ELP4: variants seen among roughly 807,000 people sequenced by gnomAD.
ELP4 encodes the protein elongator acetyltransferase complex subunit 4.
ELP4 carries 51 observed loss-of-function variants against 48.9 expected under a neutral mutation model. The ratio of observed to expected loss-of-function variants is 1.04; its 90% CI spans 0.83 to 1.32. The LOEUF (loss-of-function observed/expected upper bound fraction) is 1.32, where lower values mean the gene tolerates loss of function less well. Ranked by LOEUF, ELP4 falls within the 40% of genes most tolerant of loss-of-function variation. The probability of loss-of-function intolerance (pLI) is 0.00; values close to 1 mark genes in which losing one functional copy is unlikely to be tolerated. For synonymous variants in ELP4, 210 were observed against 189.2 expected, an observed-to-expected ratio of 1.11 and a Z score of -0.90; for missense variants, 519 against 514.6, an observed-to-expected ratio of 1.01 and a Z score of -0.08.
chr11:31,590,859 C>A (rs1339069034), intron 3 of ELP4, among the ~76,000 whole-genome samples: 4 of 152,060 alleles, frequency 2.6e-5, no homozygotes, highest in African/African-American at 9.7e-5. Context: ...GAGCAATCCG[C>A]CCCCATAATC....
At chr11:31,636,142 G>A (rs1055817268) in intron 7 of ELP4, among the ~76,000 whole-genome samples, 9 of 151,930 alleles carry the variant, frequency 5.9e-5, no homozygotes, top group African/African-American at 2.2e-4. Context: ...TAGGGATACA[G>A]TAGCAAACAA....
intron 9 of ELP4, among the ~76,000 whole-genome samples, chr11:31,735,881 G>A (rs932720644): frequency 5.3e-5 from 8 of 152,100 alleles, no homozygotes; most frequent in African/African-American, 1.7e-4. Context: ...AATCAATATC[G>A]TGAAAATGGC....
At chr11:31,530,323 T>C (rs1956372247) in intron 2 of ELP4, among the ~76,000 whole-genome samples, 1 of 152,104 alleles carries the variant, frequency 6.6e-6, no homozygotes, top group Admixed American at 6.6e-5. Context: ...TAGCAAAAAG[T>C]ACATAAAATC....
intron 9 of ELP4, among the ~76,000 whole-genome samples, chr11:31,772,176 G>C (rs1948160054): frequency 7.0e-6 from 1 of 143,100 alleles, no homozygotes; most frequent in Non-Finnish European, 1.5e-5. Context: ...CTGGTGTACA[G>C]TGGCGGAATC....
At chr11:31,771,715 C>G (rs1466279262) in intron 9 of ELP4, among the ~76,000 whole-genome samples, 2 of 152,186 alleles carry the variant, frequency 1.3e-5, no homozygotes, top group Admixed American at 6.5e-5. Flanking sequence ...CTCAGTGGCT[C>G]ACGCCTGTAA....
At chr11:31,734,353 C>A (rs1947257818) in intron 9 of ELP4, among the ~76,000 whole-genome samples, 1 of 152,102 alleles carries the variant, frequency 6.6e-6, no homozygotes, top group Admixed American at 6.6e-5. Flanking sequence ...GTACTGGAAG[C>A]CCTAGCCAGA....
chr11:31,773,785 A>T (rs1048419544), intron 9 of ELP4, among the ~76,000 whole-genome samples: 2 of 152,220 alleles, frequency 1.3e-5, no homozygotes. Context: ...GCACACCTTC[A>T]TAGCCCCTGA....
chr11:31,735,371 A>T (rs1057210149), intron 9 of ELP4, among the ~76,000 whole-genome samples: 4 of 152,138 alleles, frequency 2.6e-5, no homozygotes, highest in Non-Finnish European at 5.9e-5. Flanking sequence ...AACAAGTAGT[A>T]CTTTAAAAAA....
intron 9 of ELP4, among the ~76,000 whole-genome samples, chr11:31,737,569 A>G (rs1947347491): frequency 6.6e-6 from 1 of 152,198 alleles, no homozygotes; most frequent in African/African-American, 2.4e-5. Flanking sequence ...GCAAATCTGT[A>G]AACCATATAT....
chr11:31,576,716 A>G (rs1957286500), intron 3 of ELP4, among the ~76,000 whole-genome samples: 1 of 152,244 alleles, frequency 6.6e-6, no homozygotes, highest in Admixed American at 6.5e-5. Context: ...AAATGAAGGC[A>G]GAAATAAGGA....
chr11:31,531,552 G>C (rs1412047273), intron 2 of ELP4, among the ~76,000 whole-genome samples: 1 of 152,192 alleles, frequency 6.6e-6, no homozygotes, highest in Non-Finnish European at 1.5e-5. Flanking sequence ...AGCCAGAGTT[G>C]TGAAGGAATT....
Position 31,786,734 on chromosome 11 carries a change from C to T in ELP4, c.*3210C>T, listed in dbSNP as rs1948662479. On this transcript the variant is annotated 3_prime_UTR_variant, in exon 10 of 10. Coordinates refer to ENST00000640961, the MANE Select transcript of ELP4 (RefSeq NM_019040.5). ...GCTGTAGCAAGAAACCAGTTGTTCA[C>T]CATTTAAGGGTTAGGAGGCATAGCT... 4.5e-6 allele frequency: 1 copy of T among 223,554 alleles called. No homozygotes were observed. The allele number at this position is 223,554 out of a possible 1,614,324, so 13.8% of individuals were successfully genotyped here.
rs189275679 is a variant in ELP4 at position 31,789,151 on chromosome 11, C to T, written c.*5627C>T. On this transcript the variant is annotated 3_prime_UTR_variant, in exon 10 of 10. Coordinates refer to ENST00000640961, the MANE Select transcript of ELP4 (RefSeq NM_019040.5). ...TAACTTTTGCTGGCCAAAAAAGAAACGTATGATTGCATGAAAATGTGTATA... is the reference window on the plus strand; with the variant it reads ...TAACTTTTGCTGGCCAAAAAAGAAATGTATGATTGCATGAAAATGTGTATA... 6.4e-5 allele frequency: 13 copies of T among 203,202 alleles called. No individual in the cohort carries two copies. The highest frequency in any genetic ancestry group is 1.6e-4 in the African/African-American group (7 of 43,848). 12.6% of individuals were successfully genotyped at this position (203,202 alleles called of 1,614,324 possible).
At chr11:31,686,139 A>T (rs1021138253) in intron 9 of ELP4, among the ~76,000 whole-genome samples, 1 of 152,014 alleles carries the variant, frequency 6.6e-6, no homozygotes, top group Non-Finnish European at 1.5e-5. Context: ...TGTGAAAAAT[A>T]TATACATTTT....
chr11:31,752,273 G>A (rs1380944677), intron 9 of ELP4, among the ~76,000 whole-genome samples: 1 of 136,986 alleles, frequency 7.3e-6, no homozygotes, highest in Non-Finnish European at 1.6e-5. Flanking sequence ...CTTGTTCTTA[G>A]TAATTTTAAA....
intron 3 of ELP4, among the ~76,000 whole-genome samples, chr11:31,579,465 G>C (rs977335064): frequency 1.3e-5 from 2 of 152,086 alleles, no homozygotes; most frequent in African/African-American, 4.8e-5. Flanking sequence ...AAATCATGCT[G>C]CTATAAAGAC....
At chr11:31,613,572 G>T (rs1228826725) in intron 5 of ELP4, among the ~76,000 whole-genome samples, 1 of 152,000 alleles carries the variant, frequency 6.6e-6, no homozygotes, top group African/African-American at 2.4e-5. Context: ...GTAAGAAACA[G>T]GACTGGTATA....
chr11:31,580,569 A>G (rs1481170077), intron 3 of ELP4: 3 of 152,582 alleles, frequency 2.0e-5, no homozygotes, highest in African/African-American at 4.8e-5. Flanking sequence ...TTCACACACC[A>G]TACACACACA....
intron 9 of ELP4, among the ~76,000 whole-genome samples, chr11:31,699,149 A>G (rs543906865): frequency 2.0e-5 from 3 of 152,278 alleles, no homozygotes; most frequent in African/African-American, 4.8e-5. Context: ...CAAGTACCCA[A>G]ATATTGGTTT....
Sources: allele counts gnomAD v4.1 joint callset (sites outside exome capture counted in the v4.1 genomes callset), GRCh38; gene constraint gnomAD v4.1.1; transcripts MANE v1.5; gene names NCBI Gene and HGNC (gene_info 2026-07-23, HGNC 2026-07-21).